Variants in CLASP2 observed in about 807,000 individuals in gnomAD.
The protein encoded by CLASP2 is CLIP-associating protein 2.
A neutral mutation model predicts 194.4 loss-of-function variants in CLASP2; 47 were observed. That is an observed-to-expected ratio of 0.24 (90% CI 0.19 to 0.31). CLASP2 has a LOEUF of 0.31. Ranked by LOEUF, CLASP2 falls within the 10% of genes least tolerant of loss-of-function variation. The pLI is 1.00. For synonymous variants in CLASP2, 619 were observed against 633.5 expected, an observed-to-expected ratio of 0.98 and a Z score of 0.34; for missense variants, 1,445 against 1,823.6, an observed-to-expected ratio of 0.79 and a Z score of 3.78.
chr3:33,636,633 G>A (rs565686943), intron 8 of CLASP2, among the ~76,000 whole-genome samples: 2 of 152,192 alleles, frequency 1.3e-5, no homozygotes, highest in South Asian at 2.1e-4. Flanking sequence ...ACAGAGTTTC[G>A]CTCTCTTGCC....
intron 7 of CLASP2, among the ~76,000 whole-genome samples, chr3:33,650,813 G>C (rs2083053671): frequency 6.6e-6 from 1 of 151,772 alleles, no homozygotes; most frequent in African/African-American, 2.4e-5. Flanking sequence ...AGAAGAGAAG[G>C]AAAAAGAAGA....
At chr3:33,651,169 G>A (rs535652396) in intron 7 of CLASP2, among the ~76,000 whole-genome samples, 1 of 152,156 alleles carries the variant, frequency 6.6e-6, no homozygotes, top group East Asian at 1.9e-4. Context: ...GATCATTTGA[G>A]GCCAGCAGTT....
intron 18 of CLASP2, among the ~76,000 whole-genome samples, chr3:33,600,612 G>A (rs750179575): frequency 3.9e-5 from 6 of 152,176 alleles, no homozygotes; most frequent in Non-Finnish European, 7.3e-5. Context: ...TCAACACACT[G>A]TTAACACCTT....
intron 26 of CLASP2, 121 bp downstream of exon 26, chr3:33,570,606 T>A (rs1166664920): frequency 1.6e-6 from 2 of 1,228,666 alleles, no homozygotes; most frequent in African/African-American, 3.1e-5. Context: ...ATTTTAATTA[T>A]GCTTGAAAAT....
At chr3:33,582,151 C>G (rs2066307231) in intron 22 of CLASP2, among the ~76,000 whole-genome samples, 1 of 151,998 alleles carries the variant, frequency 6.6e-6, no homozygotes, top group African/African-American at 2.4e-5. Flanking sequence ...TAATATTTTA[C>G]CAAACTAAAA....
chr3:33,602,430 C>G, intron 18 of CLASP2: 1 of 679,262 alleles, frequency 1.5e-6, no homozygotes, highest in South Asian at 1.6e-5. Flanking sequence ...AAAATGGAAG[C>G]ATGAAGAAGA....
intron 36 of CLASP2, among the ~76,000 whole-genome samples, chr3:33,512,060 T>C (rs2049985006): frequency 1.6e-4 from 2 of 12,182 alleles, no homozygotes; most frequent in South Asian, 4.0e-3. Flanking sequence ...TTACTGGGTA[T>C]ATACCCAAAT....
At chr3:33,507,544 T>C (rs1338242220) in intron 37 of CLASP2, among the ~76,000 whole-genome samples, 1 of 152,192 alleles carries the variant, frequency 6.6e-6, no homozygotes, top group Non-Finnish European at 1.5e-5. Context: ...TGCAGTGGTA[T>C]GATTGTGGCT....
rs769385672 is a variant in CLASP2 at position 33,544,819 on chromosome 3, G to A, written c.3176C>T (p.Ser1059Leu). The A allele has an allele frequency of 7.4e-6, 12 of 1,612,056 alleles. No individual in the cohort carries two copies. In the Admixed American group the frequency reaches 1.7e-4, roughly 22 times the overall value. Reference protein sequence around the residue: ...VRKAAQSVLISLFELNTPEFT... With the variant: ...VRKAAQSVLILLFELNTPEFT... Reference sequence around the variant, plus strand: ...CTCTGGGGTATTGAGTTCAAATAATGAAATCAGCACTGACTGTGCTGCCTA... The same window carrying A: ...CTCTGGGGTATTGAGTTCAAATAATAAAATCAGCACTGACTGTGCTGCCTA... The change falls in exon 31 of 39, where the codon TCA becomes TTA. Residue 1059 changes from serine (S) to leucine (L), a missense_variant. Coordinates refer to ENST00000682230, the MANE Select transcript of CLASP2 (RefSeq NM_001365631.1).
intron 6 of CLASP2, among the ~76,000 whole-genome samples, chr3:33,670,920 T>C (rs1017173242): frequency 6.6e-6 from 1 of 152,234 alleles, no homozygotes; most frequent in African/African-American, 2.4e-5. Context: ...GAGTGTATTC[T>C]GTTCTCCTTA....
At chr3:33,577,076 C>G (rs1174832157) in intron 23 of CLASP2, 8 of 805,378 alleles carry the variant, frequency 9.9e-6, no homozygotes, top group African/African-American at 1.8e-5. Context: ...AAAGTTTATT[C>G]TCCAACAAAT....
intron 23 of CLASP2, among the ~76,000 whole-genome samples, chr3:33,576,654 T>C (rs1239926119): frequency 6.6e-6 from 1 of 152,030 alleles, no homozygotes; most frequent in East Asian, 1.9e-4. Context: ...CCTCAACCAA[T>C]AGTGGTTAGG....
At chr3:33,618,078 G>A (rs1024990142) in intron 12 of CLASP2, among the ~76,000 whole-genome samples, 6 of 150,952 alleles carry the variant, frequency 4.0e-5, no homozygotes, top group East Asian at 2.0e-4. Flanking sequence ...CTTCCCGAGC[G>A]GCTGGGATTA....
In CLASP2 at chr3:33,510,790, G is replaced by C. The variant is rs529517815; in HGVS notation, c.4111-26C>G. The C allele has an allele frequency of 3.8e-6, 6 of 1,559,734 alleles. No individual in the cohort carries two copies. The Admixed American group carries it at 7.6e-5, about 20-fold the overall frequency. ...CTAAAAAAAATAGGAAATTAAGCCA[G>C]AAAGTAATTTTTAAAATATTACACT... On this transcript the variant is annotated intron_variant, in intron 36 of 38. Coordinates refer to ENST00000682230, the MANE Select transcript of CLASP2 (RefSeq NM_001365631.1).
chr3:33,632,507 A>G, intron 8 of CLASP2, 136 bp from the exon 9 acceptor site: 1 of 662,774 alleles, frequency 1.5e-6, no homozygotes. Context: ...ATAAGAAAGC[A>G]TTTAAAAAAT....
chr3:33,500,876 C>G (rs968654209), intron 38 of CLASP2, among the ~76,000 whole-genome samples: 2 of 152,086 alleles, frequency 1.3e-5, no homozygotes, highest in Admixed American at 6.6e-5. Flanking sequence ...TTATCTTCAC[C>G]CTTGAGAACA....
At chr3:33,584,669 A>T (rs1351134171) in intron 22 of CLASP2, 81 bp downstream of exon 22, 7 of 1,273,388 alleles carry the variant, frequency 5.5e-6, no homozygotes, top group African/African-American at 1.5e-5. Context: ...ATTGTATTCC[A>T]AAGTCTTCAA....
chr3:33,653,228 T>A (rs923319781), intron 7 of CLASP2, among the ~76,000 whole-genome samples: 1 of 152,024 alleles, frequency 6.6e-6, no homozygotes, highest in East Asian at 1.9e-4. Context: ...ATACCACACA[T>A]GAAAATATGT....
At chr3:33,622,005 T>C in intron 11 of CLASP2, 130 bp downstream of exon 11, 1 of 623,862 alleles carries the variant, frequency 1.6e-6, no homozygotes, top group South Asian at 4.9e-5. Flanking sequence ...AATCCTTATG[T>C]ATAATAAAAA....
Sources: gnomAD v4.1 joint callset for allele counts (sites outside exome capture counted in the v4.1 genomes callset) on GRCh38, gnomAD v4.1.1 for gene constraint, MANE v1.5 for transcripts, NCBI Gene and HGNC (gene_info 2026-07-23, HGNC 2026-07-21) for gene names.